The following BCL2L13 variants were observed in gnomAD, a reference collection of about 807,000 sequenced individuals.
BCL2L13 encodes the protein BCL2 like 13.
A neutral mutation model predicts 25.8 loss-of-function variants in BCL2L13; 13 were observed. The ratio of observed to expected loss-of-function variants is 0.50; its 90% CI spans 0.33 to 0.80. The LOEUF (loss-of-function observed/expected upper bound fraction) is 0.80. Among genes scored for constraint, BCL2L13 ranks in the 30% least tolerant of loss-of-function variants. The pLI is 0.02. For missense variants in BCL2L13, 504 were observed against 574.9 expected, an observed-to-expected ratio of 0.88 and a Z score of 1.26; for synonymous variants, 244 against 230.3, an observed-to-expected ratio of 1.06 and a Z score of -0.54.
At chr22:17,630,535 C>A (rs1217412513) in intron 1 of BCL2L13, among the ~76,000 whole-genome samples, 1 of 151,648 alleles carries the variant, frequency 6.6e-6, no homozygotes, top group Non-Finnish European at 1.5e-5. Flanking sequence ...GCCTCGGCCT[C>A]CGAGAGTGCT....
chr22:17,672,595 TAAATGC>T (rs1299333583), intron 2 of BCL2L13, among the ~76,000 whole-genome samples: 2 of 152,242 alleles, frequency 1.3e-5, no homozygotes, highest in East Asian at 3.8e-4. Context: ...GAGGATTAAT[TAAATGC>T]AAATCACTGA....
intron 1 of BCL2L13, chr22:17,629,072 T>C: frequency 6.0e-6 from 1 of 165,322 alleles, no homozygotes. Context: ...GGCTTAGGGG[T>C]ACATGATTGT....
chr22:17,637,579 T>C (rs1368271168), upstream of BCL2L13, among the ~76,000 whole-genome samples: 5 of 151,908 alleles, frequency 3.3e-5, no homozygotes, highest in African/African-American at 1.2e-4. Context: ...AGTTTCACCA[T>C]GTTGGCCAGG....
intron 2 of BCL2L13, among the ~76,000 whole-genome samples, chr22:17,676,583 C>T (rs545331406): frequency 6.6e-6 from 1 of 152,264 alleles, no homozygotes; most frequent in Non-Finnish European, 1.5e-5. Context: ...TTCCAGGAAG[C>T]TGGAAGGGAA....
Position 17,689,119 on chromosome 22 carries a change from A to G in BCL2L13, c.363A>G (p.Lys121=), listed in dbSNP as rs1196271827. 5 of 1,614,074 alleles carry G rather than the reference A, an allele frequency of 3.1e-6. No individual in the cohort carries two copies. The East Asian group carries it at 8.9e-5, about 29-fold the overall frequency. The change falls in exon 4 of 7, where the codon AAA becomes AAG. Residue 121 remains lysine, a synonymous_variant. Transcript: ENST00000317582. ...VSQELKEPLH[K]ALQMLLSQPV... Reference sequence around the variant, plus strand: ...AGGAACTGAAAGAGCCTCTCCATAAAGCATTGCAAATGCTCCTGAGCCAGT... The same window carrying G: ...AGGAACTGAAAGAGCCTCTCCATAAGGCATTGCAAATGCTCCTGAGCCAGT...
intron 4 of BCL2L13, among the ~76,000 whole-genome samples, chr22:17,694,311 T>G (rs531120421): frequency 6.6e-6 from 1 of 152,204 alleles, no homozygotes; most frequent in South Asian, 2.1e-4. Flanking sequence ...TTGGTATGAC[T>G]AGGACTTACA....
chr22:17,638,933 G>GT, intron 1 of BCL2L13, 47 bp downstream of exon 1: 1 of 1,219,580 alleles, frequency 8.2e-7, no homozygotes, highest in Non-Finnish European at 1.0e-6. Context: ...TGAGGAGGTG[G>GT]TTTTCACCTG....
intron 6 of BCL2L13, among the ~76,000 whole-genome samples, chr22:17,711,575 G>C (rs1400693054): frequency 6.6e-6 from 1 of 152,108 alleles, no homozygotes; most frequent in Non-Finnish European, 1.5e-5. Context: ...TAAGGTTACA[G>C]GCGTGAGCCA....
At chr22:17,711,857 A>G (rs771115122) in intron 6 of BCL2L13, among the ~76,000 whole-genome samples, 2 of 152,160 alleles carry the variant, frequency 1.3e-5, no homozygotes, top group Non-Finnish European at 2.9e-5. Context: ...ATTGTAAGGC[A>G]CATCTTTTGA....
chr22:17,653,157 A>G (rs1231485691), intron 1 of BCL2L13, among the ~76,000 whole-genome samples: 1 of 152,172 alleles, frequency 6.6e-6, no homozygotes, highest in African/African-American at 2.4e-5. Context: ...TCATAAAGTG[A>G]AAAAATTGTA....
chr22:17,699,706 T>C (rs1199463067), intron 5 of BCL2L13, among the ~76,000 whole-genome samples: 2 of 151,918 alleles, frequency 1.3e-5, no homozygotes, highest in Non-Finnish European at 2.9e-5. Context: ...CTTCTAGGAG[T>C]GGATGCCTGG....
At chr22:17,656,335 CTTT>C (rs890631679) in intron 2 of BCL2L13, among the ~76,000 whole-genome samples, 644 of 57,566 alleles carry the variant, frequency 0.011, no homozygotes, top group African/African-American at 0.028. Context: ...TCATTTTATT[CTTT>C]TTTTTTTTTT....
chr22:17,709,410 C>T (rs963308945), intron 6 of BCL2L13, among the ~76,000 whole-genome samples: 3 of 151,934 alleles, frequency 2.0e-5, no homozygotes, highest in African/African-American at 2.4e-5. Flanking sequence ...GCCTGGCCAA[C>T]GTGGTGAAAC....
chr22:17,727,301 CTGAG>C lies in BCL2L13; in HGVS notation c.1230_1233del (p.Ser410ArgfsTer4), dbSNP rs2061325360. On this transcript the variant is annotated frameshift_variant, in exon 7 of 7. Transcript: ENST00000317582. LOFTEE classifies it low-confidence loss of function (END_TRUNC). ...CGCACTGGAACCCACAGAAACGCTG[CTGAG>C]TGAGAAGGAGATAAACGCAAGGGAA... 1 of 1,614,238 alleles carries C rather than the reference CTGAG, an allele frequency of 6.2e-7. No individual in the cohort carries two copies. The highest frequency in any genetic ancestry group is 8.5e-7 in the Non-Finnish European group (1 of 1,180,056).
At chr22:17,646,541 G>C (rs544728263) in intron 1 of BCL2L13, among the ~76,000 whole-genome samples, 1 of 150,578 alleles carries the variant, frequency 6.6e-6, no homozygotes, top group Non-Finnish European at 1.5e-5. Context: ...GAGCCACTGC[G>C]CCTGGCCAAG....
intron 2 of BCL2L13, among the ~76,000 whole-genome samples, chr22:17,674,523 T>C (rs1439054628): frequency 6.6e-6 from 1 of 151,368 alleles, no homozygotes; most frequent in Non-Finnish European, 1.5e-5. Context: ...GGAAAATCAT[T>C]TGAACCCAGG....
At chr22:17,664,828 C>T (rs937558678) in intron 2 of BCL2L13, among the ~76,000 whole-genome samples, 6 of 152,198 alleles carry the variant, frequency 3.9e-5, no homozygotes, top group Non-Finnish European at 7.3e-5. Context: ...CCTTTAGCCA[C>T]GACTGGAGTG....
intron 1 of BCL2L13, among the ~76,000 whole-genome samples, chr22:17,646,979 T>TTTTTTTTC (rs2058516875): frequency 9.5e-6 from 1 of 105,536 alleles, no homozygotes. Context: ...TTTTTTTTTT[T>TTTTTTTTC]CTTTTTCTTT....
chr22:17,649,870 T>C (rs1226572382), intron 1 of BCL2L13, among the ~76,000 whole-genome samples: 4 of 115,500 alleles, frequency 3.5e-5, no homozygotes, highest in African/African-American at 1.4e-4. Context: ...TTTTTTCTTT[T>C]CTTTTTTTTT....
Sources: gnomAD v4.1 joint callset for allele counts (sites outside exome capture counted in the v4.1 genomes callset) on GRCh38, gnomAD v4.1.1 for gene constraint, MANE v1.5 for transcripts, NCBI Gene and HGNC (gene_info 2026-07-23, HGNC 2026-07-21) for gene names.